Variants in EML4 observed in about 807,000 individuals in gnomAD.
EML4 encodes EMAP like 4.
A neutral mutation model predicts 129.0 loss-of-function variants in EML4; 72 were observed. That is an observed-to-expected ratio of 0.56 (90% CI 0.46 to 0.68). EML4 has a LOEUF of 0.68. Ranked by LOEUF, EML4 falls within the 30% of genes least tolerant of loss-of-function variation. EML4 has a pLI of 0.00. For missense variants in EML4, 1,363 were observed against 1,190.6 expected (o/e 1.14, Z -2.13); for synonymous variants, 532 against 405.0 (o/e 1.31, Z -3.77).
At chr2:42,275,544 G>T (rs1209410322) in intron 6 of EML4, among the ~76,000 whole-genome samples, 1 of 152,140 alleles carries the variant, frequency 6.6e-6, no homozygotes, top group African/African-American at 2.4e-5. Context: ...TATGTGTCTG[G>T]GGAAATGAAC....
intron 14 of EML4, among the ~76,000 whole-genome samples, chr2:42,302,114 T>C (rs1163823947): frequency 6.6e-6 from 1 of 152,142 alleles, no homozygotes; most frequent in African/African-American, 2.4e-5. Flanking sequence ...GTTCCATGTA[T>C]TGCATTAAAT....
chr2:42,302,062 G>C (rs1344885393), intron 14 of EML4, among the ~76,000 whole-genome samples: 1 of 151,960 alleles, frequency 6.6e-6, no homozygotes, highest in Non-Finnish European at 1.5e-5. Context: ...ATCATTCTTT[G>C]AGATTATTAT....
intron 1 of EML4, among the ~76,000 whole-genome samples, chr2:42,182,170 T>TAA (rs397757049): frequency 6.7e-6 from 1 of 149,546 alleles, no homozygotes. Flanking sequence ...TTTTTTTTTT[T>TAA]ATTATACTTT....
intron 1 of EML4, among the ~76,000 whole-genome samples, chr2:42,182,532 C>T (rs903676752): frequency 1.1e-4 from 16 of 152,280 alleles, no homozygotes; most frequent in African/African-American, 3.9e-4. Context: ...ACTTGCCTTG[C>T]ACTGGCTGCC....
chr2:42,301,819 A>G (rs922766794), intron 14 of EML4, among the ~76,000 whole-genome samples: 1 of 152,160 alleles, frequency 6.6e-6, no homozygotes, highest in Non-Finnish European at 1.5e-5. Context: ...TAGATAATAA[A>G]GAGTTGCTTA....
chr2:42,187,906 A>G (rs1443280302), intron 1 of EML4, among the ~76,000 whole-genome samples: 3 of 152,056 alleles, frequency 2.0e-5, no homozygotes, highest in East Asian at 1.9e-4. Context: ...TTTGTGTCCT[A>G]CTTAAGGAAT....
At position 42,258,643 on chromosome 2, in the gene EML4, G is replaced by A. The variant is rs983591311; in HGVS notation, c.338+2013G>A. ...TCAAACTCCCAACCTCAGGTCATCC[G>A]CCCGCCTTAACCTCCCAAAGTGGTG... On this transcript the variant is annotated intron_variant, in intron 3 of 22. Transcript: ENST00000318522. Among the ~76,000 whole-genome samples, 12 of 151,936 alleles carry A rather than the reference G, an allele frequency of 7.9e-5. No homozygotes were observed. The East Asian group carries it at 1.6e-3, about 20-fold the overall frequency.
chr2:42,268,481 G>A (rs1317210424), intron 6 of EML4, among the ~76,000 whole-genome samples: 2 of 151,884 alleles, frequency 1.3e-5, no homozygotes, highest in African/African-American at 2.4e-5. Flanking sequence ...CTCTGCCACC[G>A]AGGCTGGAGT....
chr2:42,281,037 G>T, intron 7 of EML4, 64 bp downstream of exon 7: 2 of 1,246,632 alleles, frequency 1.6e-6, no homozygotes, highest in South Asian at 1.7e-5. Context: ...ATCAGTTAAC[G>T]TATTCTCTGT....
intron 1 of EML4, among the ~76,000 whole-genome samples, chr2:42,222,787 G>GTTTGTTTTGTTTTGT (rs149486569): frequency 6.6e-6 from 1 of 150,848 alleles, no homozygotes; most frequent in Non-Finnish European, 1.5e-5. Context: ...CGGTTCTTTT[G>GTTTGTTTTGTTTTGT]TTTGTTTTGT....
intron 13 of EML4, among the ~76,000 whole-genome samples, chr2:42,296,235 G>T (rs1397471488): frequency 1.3e-5 from 2 of 152,080 alleles, no homozygotes; most frequent in African/African-American, 2.4e-5. Flanking sequence ...TGGAGACCTG[G>T]TTCTAAAACC....
chr2:42,253,403 G>A (rs1675904805), intron 2 of EML4, among the ~76,000 whole-genome samples: 1 of 152,164 alleles, frequency 6.6e-6, no homozygotes, highest in Admixed American at 6.5e-5. Context: ...ACAATTGATA[G>A]TGTCTTACAG....
chr2:42,327,736 T>C (rs1404433908), intron 21 of EML4, among the ~76,000 whole-genome samples: 2 of 152,226 alleles, frequency 1.3e-5, no homozygotes. Context: ...AATAAAGCGT[T>C]ATTTGCAAAG....
intron 1 of EML4, among the ~76,000 whole-genome samples, chr2:42,192,209 T>TG (rs1319928898): frequency 9.1e-6 from 1 of 109,488 alleles, no homozygotes; most frequent in Admixed American, 8.1e-5. Context: ...TTTTCTTTGC[T>TG]GGTTTTTTTT....
intron 1 of EML4, among the ~76,000 whole-genome samples, chr2:42,244,071 T>C (rs1269305376): frequency 1.9e-5 from 2 of 107,846 alleles, no homozygotes; most frequent in Non-Finnish European, 4.2e-5. Flanking sequence ...TAATGTTTTT[T>C]TTGTTTTTTG....
intron 1 of EML4, among the ~76,000 whole-genome samples, chr2:42,218,317 C>G (rs982620391): frequency 1.3e-5 from 2 of 151,940 alleles, no homozygotes; most frequent in Non-Finnish European, 2.9e-5. Context: ...TGCAGGAAAA[C>G]AAGCTCAGGG....
At position 42,299,660 on chromosome 2, in the gene EML4, C is replaced by T. The variant is rs540583141; in HGVS notation, c.1490-1581C>T. 2.0e-5 allele frequency among the ~76,000 whole-genome samples: 3 copies of T among 152,106 alleles called. No homozygotes were observed. In the East Asian group the frequency reaches 5.8e-4, roughly 29 times the overall value. On this transcript the variant is annotated intron_variant, in intron 13 of 22. Coordinates refer to ENST00000318522, the MANE Select transcript of EML4 (RefSeq NM_019063.5). ...ACAATGTGTGGTCTTTTATGACTTG[C>T]TTCTTTCACTTAGTTTTTTTTGTTT...
In EML4 at chr2:42,295,112, T is replaced by A. The variant is rs1433198511; in HGVS notation, c.1219-13T>A. 3.1e-6 allele frequency: 5 copies of A among 1,599,818 alleles called. No individual in the cohort carries two copies. In the East Asian group the frequency reaches 8.9e-5, roughly 29 times the overall value. On this transcript the variant is annotated splice_polypyrimidine_tract_variant and intron_variant, in intron 11 of 22. Coordinates refer to ENST00000318522, the MANE Select transcript of EML4 (RefSeq NM_019063.5). ...ATATACATTCATCTAAAGCTTTATT[T>A]CCCTTTTCATAGACAACAAATGAAG... is the stretch of plus-strand genomic sequence containing the variant.
At chr2:42,240,612 A>G (rs555881886) in intron 1 of EML4, among the ~76,000 whole-genome samples, 6 of 152,322 alleles carry the variant, frequency 3.9e-5, no homozygotes, top group South Asian at 2.1e-4. Context: ...ATGATATTCT[A>G]TGGTATGGAC....
Sources: allele counts gnomAD v4.1 joint callset (sites outside exome capture counted in the v4.1 genomes callset), GRCh38; gene constraint gnomAD v4.1.1; transcripts MANE v1.5; gene names NCBI Gene and HGNC (gene_info 2026-07-23, HGNC 2026-07-21).